Variants in NOX4 observed in about 807,000 individuals in gnomAD.
NOX4 encodes kidney oxidase-1.
A neutral mutation model predicts 87.6 loss-of-function variants in NOX4; 69 were observed. The ratio of observed to expected loss-of-function variants is 0.79; its 90% CI spans 0.65 to 0.96. The LOEUF is 0.96. Ranked by LOEUF, NOX4 falls within the 40% of genes least tolerant of loss-of-function variation. The pLI, the probability that NOX4 is intolerant of heterozygous loss-of-function variation, is 0.00. For missense variants in NOX4, 680 were observed against 681.5 expected (o/e 1.00, Z 0.02); for synonymous variants, 275 against 238.2 (o/e 1.15, Z -1.42).
At chr11:89,489,764 A>T (rs1946779022) in intron 2 of NOX4, among the ~76,000 whole-genome samples, 1 of 151,962 alleles carries the variant, frequency 6.6e-6, no homozygotes, top group Admixed American at 6.6e-5. Flanking sequence ...AAAGAAAAAG[A>T]AAACGCAATC....
At chr11:89,569,854 C>T in the NOX4 span, among the ~76,000 whole-genome samples, 5 of 151,736 alleles carry the variant, frequency 3.3e-5, no homozygotes, top group East Asian at 9.7e-4. Flanking sequence ...TACAAAAAAT[C>T]AGCCAGGCGT....
chr11:89,372,354 C>T (rs1186898538), intron 12 of NOX4, among the ~76,000 whole-genome samples: 1 of 151,988 alleles, frequency 6.6e-6, no homozygotes, highest in African/African-American at 2.4e-5. Context: ...TCATAATCTT[C>T]ACCAAGCTGG....
the NOX4 span, among the ~76,000 whole-genome samples, chr11:89,584,727 A>G: frequency 6.6e-6 from 1 of 152,176 alleles, no homozygotes; most frequent in Admixed American, 6.6e-5. Context: ...TTGAGCATTG[A>G]AATTCCCCCA....
rs1945242225 is a variant in NOX4, at chr11:89,326,886, G to C, written c.1617-10C>G. On this transcript the variant is annotated splice_polypyrimidine_tract_variant and intron_variant, in intron 17 of 17. Coordinates refer to ENST00000263317, the MANE Select transcript of NOX4 (RefSeq NM_016931.5). ...AACACCAACTGTTTTTCTAGAACAA[G>C]AGCAGAGAAAATGGAAAATCAGGTG... 1 of 1,612,290 alleles carries C rather than the reference G, an allele frequency of 6.2e-7. No homozygotes were observed. Among genetic ancestry groups the C allele is most frequent in the South Asian group, 1.1e-5 (1 of 90,738 alleles).
chr11:89,447,397 G>A (rs1376012887), intron 4 of NOX4, among the ~76,000 whole-genome samples: 1 of 151,886 alleles, frequency 6.6e-6, no homozygotes, highest in Admixed American at 6.6e-5. Flanking sequence ...ACATAATTAA[G>A]GGATATATTC....
chr11:89,338,565 C>T (rs1164314001), intron 15 of NOX4, among the ~76,000 whole-genome samples: 7 of 152,022 alleles, frequency 4.6e-5, no homozygotes, highest in African/African-American at 7.2e-5. Flanking sequence ...GGAGGACTTA[C>T]GTAATCCACC....
intron 4 of NOX4, among the ~76,000 whole-genome samples, chr11:89,447,815 G>C (rs1307997554): frequency 7.9e-5 from 12 of 151,848 alleles, no homozygotes. Context: ...CTACACCCTT[G>C]GTCCTTATCT....
chr11:89,551,278 A>G, the NOX4 span, among the ~76,000 whole-genome samples: 6 of 152,182 alleles, frequency 3.9e-5, no homozygotes, highest in Non-Finnish European at 7.4e-5. Flanking sequence ...TGTCTTGGCT[A>G]TATGGGCTCT....
chr11:89,444,296 G>C, intron 4 of NOX4, 64 bp from the exon 5 acceptor site: 1 of 1,334,372 alleles, frequency 7.5e-7, no homozygotes, highest in East Asian at 2.3e-5. Flanking sequence ...CAAGGACTCA[G>C]TTCTTCCTCT....
rs767047761 is a variant in NOX4 at position 89,444,168 on chromosome 11, A to G, written c.414T>C (p.Phe138=). The G allele has an allele frequency of 6.2e-7, 1 of 1,613,692 alleles. No individual in the cohort carries two copies. Among genetic ancestry groups the G allele is most frequent in the Non-Finnish European group, 8.5e-7 (1 of 1,179,746 alleles). The change falls in exon 5 of 18, where the codon TTT becomes TTC. Residue 138 remains phenylalanine (F), a synonymous_variant. Transcript: ENST00000263317. ...LNFSVNYSED[F]VELNAARYRD... is the part of the protein sequence containing the mutation. Reference sequence around the variant, plus strand: ...GGTATCTTGCTGCATTCAGTTCAACAAAGTCTTCACTGTAATTCACTGAGA... The same window carrying G: ...GGTATCTTGCTGCATTCAGTTCAACGAAGTCTTCACTGTAATTCACTGAGA...
intron 13 of NOX4, among the ~76,000 whole-genome samples, chr11:89,346,287 C>T (rs1469664847): frequency 1.3e-5 from 2 of 151,878 alleles, no homozygotes; most frequent in Admixed American, 6.6e-5. Context: ...TCAGTCAAGG[C>T]CTTACAAATT....
chr11:89,503,921 C>T, the NOX4 span, among the ~76,000 whole-genome samples: 11 of 148,522 alleles, frequency 7.4e-5, no homozygotes, highest in Non-Finnish European at 1.5e-4. Flanking sequence ...ATCCTTCTAT[C>T]CTTCTGGAAC....
At chr11:89,346,021 A>G (rs910688575) in intron 13 of NOX4, among the ~76,000 whole-genome samples, 1 of 152,150 alleles carries the variant, frequency 6.6e-6, no homozygotes. Context: ...TTTGCTGATG[A>G]TTTGCTTCTA....
At chr11:89,342,006 A>T in intron 14 of NOX4, 68 bp downstream of exon 14, 3 of 1,312,364 alleles carry the variant, frequency 2.3e-6, no homozygotes, top group Non-Finnish European at 2.1e-6. Context: ...TTTTATACTA[A>T]AAAGAGAGAT....
chr11:89,521,212 C>G, the NOX4 span, among the ~76,000 whole-genome samples: 2 of 151,982 alleles, frequency 1.3e-5, no homozygotes, highest in African/African-American at 4.8e-5. Context: ...AAAAATGACC[C>G]TGAATAGCCA....
chr11:89,342,141 C>T lies in NOX4; in HGVS notation c.1270G>A (p.Glu424Lys). ...GSPFEESLNY[E>K]VSLCVAGGIG... is the part of the protein sequence containing the mutation. The stretch of plus-strand genomic sequence containing the variant: ...CCTCCAGCCACGCAGAGGCTGACCT[C>T]ATAGTTCAGTGATTCCTCAAATGGA... The change falls in exon 14 of 18, where the codon GAG becomes AAG. Residue 424 changes from glutamate (E) to lysine (K), a missense_variant. Transcript: ENST00000263317. 1 of 1,612,674 alleles carries T rather than the reference C, an allele frequency of 6.2e-7. No homozygotes were observed. Among genetic ancestry groups the T allele is most frequent in the Non-Finnish European group, 8.5e-7 (1 of 1,178,818 alleles).
intron 13 of NOX4, among the ~76,000 whole-genome samples, chr11:89,349,616 A>G (rs752257138): frequency 3.3e-5 from 5 of 152,238 alleles, no homozygotes; most frequent in Admixed American, 6.5e-5. Flanking sequence ...GCAGCAAACC[A>G]AGTCAAAAAA....
At chr11:89,376,710 G>A (rs1459911056) in intron 11 of NOX4, among the ~76,000 whole-genome samples, 5 of 152,138 alleles carry the variant, frequency 3.3e-5, no homozygotes, top group African/African-American at 9.6e-5. Flanking sequence ...GTGAAACCCT[G>A]TCTCTACTAA....
upstream of NOX4, among the ~76,000 whole-genome samples, chr11:89,491,916 C>T (rs1946870712): frequency 6.6e-6 from 1 of 151,996 alleles, no homozygotes; most frequent in Admixed American, 6.6e-5. Context: ...CACTCCCAAA[C>T]TAAAGCCCCC....
Sources: allele counts gnomAD v4.1 joint callset (sites outside exome capture counted in the v4.1 genomes callset), GRCh38; gene constraint gnomAD v4.1.1; transcripts MANE v1.5; gene names NCBI Gene and HGNC (gene_info 2026-07-23, HGNC 2026-07-21).